The following PLCG1 variants were observed in gnomAD, a reference collection of about 807,000 sequenced individuals.
PLCG1 encodes the protein 1-phosphatidylinositol 4,5-bisphosphate phosphodiesterase gamma-1.
PLCG1 carries 71 observed loss-of-function variants against 177.8 expected under a neutral mutation model. That is an observed-to-expected ratio of 0.40 (90% confidence interval 0.33 to 0.49). The LOEUF (loss-of-function observed/expected upper bound fraction) is 0.49. Ranked by LOEUF, PLCG1 falls within the 20% of genes least tolerant of loss-of-function variation. The pLI is 0.72. For missense variants in PLCG1, 1,281 were observed against 1,709.0 expected, an observed-to-expected ratio of 0.75 and a Z score of 4.42; for synonymous variants, 658 against 647.9, an observed-to-expected ratio of 1.02 and a Z score of -0.24.
rs376592656 is a variant in PLCG1 at position 41,160,080 on chromosome 20, C to T, written c.465-26C>T. The T allele has an allele frequency of 1.2e-6, 2 of 1,613,330 alleles. No homozygotes were observed. The highest frequency in any genetic ancestry group is 1.7e-6 in the Non-Finnish European group (2 of 1,179,276). On this transcript the variant is annotated intron_variant, in intron 3 of 31. Coordinates refer to ENST00000685551, the MANE Select transcript of PLCG1 (RefSeq NM_002660.3). The surrounding 1 kb of genome is among the most constrained non-coding windows in gnomAD (Gnocchi z 5.5). ...GGCCTGACTGTAGATGGAGAAGTGG[C>T]CCTCACCTCAGGCTTCTCTCTCCAG...
chr20:41,148,600 G>A lies in PLCG1; in HGVS notation c.217+10742G>A, dbSNP rs146082968. 1.8e-4 allele frequency among the ~76,000 whole-genome samples: 27 copies of A among 152,264 alleles called. No homozygotes were observed. The highest frequency in any genetic ancestry group is 5.8e-4 in the African/African-American group (24 of 41,554). On this transcript the variant is annotated intron_variant, in intron 1 of 31. Coordinates refer to ENST00000685551, the MANE Select transcript of PLCG1 (RefSeq NM_002660.3). This position sits in a 1 kb window ranked among gnomAD's most constrained non-coding sequence, Gnocchi z 4.3. ...CTTTCATAGTATTTTTCTTGAATAA[G>A]GTCCCCAAAACCTTATTAAGTTCCT...
At position 41,156,820 on chromosome 20, in the gene PLCG1, C is replaced by G. The variant is rs1182553259; in HGVS notation, c.218-2786C>G. Among the ~76,000 whole-genome samples the G allele has an allele frequency of 6.6e-6, 1 of 152,234 alleles. No homozygotes were observed. The highest frequency in any genetic ancestry group is 2.4e-5 in the African/African-American group (1 of 41,448). ...AGACTGTGCCAGACTGGATCATTCGCTCTGTCACCTGCCACCAGGGCAGAG... is the reference window on the plus strand; with the variant it reads ...AGACTGTGCCAGACTGGATCATTCGGTCTGTCACCTGCCACCAGGGCAGAG... On this transcript the variant is annotated intron_variant, in intron 1 of 31. Transcript: ENST00000685551. This position sits in a 1 kb window ranked among gnomAD's most constrained non-coding sequence, Gnocchi z 5.0.
At position 41,166,959 on chromosome 20, in the gene PLCG1, G is replaced by A. The variant is rs1450961108; in HGVS notation, c.2301+100G>A. 8.5e-7 allele frequency: 1 copy of A among 1,177,202 alleles called. No individual in the cohort carries two copies. The highest frequency in any genetic ancestry group is 1.4e-5 in the South Asian group (1 of 73,166). The allele number at this position is 1,177,202 out of a possible 1,614,324, so 72.9% of individuals were successfully genotyped here. On this transcript the variant is annotated intron_variant, in intron 19 of 31. Coordinates refer to ENST00000685551, the MANE Select transcript of PLCG1 (RefSeq NM_002660.3). The surrounding 1 kb of genome is among the most constrained non-coding windows in gnomAD (Gnocchi z 8.6). ...GTGTAACAGCAAGACCTGGTGTGTT[G>A]TAGAAGTTCGTGGGAGGGCCCCTGA...
At position 41,175,740 on chromosome 20, in the gene PLCG1, T is replaced by C. The variant is rs2036048451; in HGVS notation, c.*1231T>C. ...CTTTTTCCTTTGACTTGTATGCTCTTTCGGGGGCTCAGGAAAGCCTGTTGC... is the reference window on the plus strand; with the variant it reads ...CTTTTTCCTTTGACTTGTATGCTCTCTCGGGGGCTCAGGAAAGCCTGTTGC... On this transcript the variant is annotated 3_prime_UTR_variant, in exon 32 of 32. Coordinates refer to ENST00000685551, the MANE Select transcript of PLCG1 (RefSeq NM_002660.3). 6.6e-6 allele frequency: 1 copy of C among 152,640 alleles called. No individual in the cohort carries two copies. The highest frequency in any genetic ancestry group is 6.5e-5 in the Admixed American group (1 of 15,280). 9.5% of individuals were successfully genotyped at this position (152,640 alleles called of 1,614,324 possible). A position where few individuals can be genotyped will look rare whatever the true frequency, so the allele number is the denominator to read the frequency against.
Position 41,165,143 on chromosome 20 carries a change from T to C in PLCG1, c.1386+42T>C. On this transcript the variant is annotated intron_variant, in intron 13 of 31. Transcript: ENST00000685551. The surrounding 1 kb of genome is among the most constrained non-coding windows in gnomAD (Gnocchi z 6.6). ...ATTGCGGAAGCCCCACACTTCTCAG[T>C]GCCTTGCCCAGGCCATGGCTTCAGC... is the stretch of plus-strand genomic sequence containing the variant. 6.2e-7 allele frequency: 1 copy of C among 1,604,266 alleles called. No individual in the cohort carries two copies. The highest frequency in any genetic ancestry group is 8.5e-7 in the Non-Finnish European group (1 of 1,173,886).
Position 41,170,265 on chromosome 20 carries a change from C to G in PLCG1, c.2804C>G (p.Ala935Gly), listed in dbSNP as rs747002949. 4 of 1,613,952 alleles carry G rather than the reference C, an allele frequency of 2.5e-6. No homozygotes were observed. Among genetic ancestry groups the G allele is most frequent in the Non-Finnish European group, 2.5e-6 (3 of 1,179,994 alleles). Residue 935 changes from alanine (A) to glycine (G), a missense_variant, in exon 24 of 32, where the codon GCC becomes GGC. Coordinates refer to ENST00000685551, the MANE Select transcript of PLCG1 (RefSeq NM_002660.3). ...CGTGAAGTGGCCCAGACAGCAGACGCCAGGGTGAGATTCTGCTGGAACCTT... is the reference window on the plus strand; with the variant it reads ...CGTGAAGTGGCCCAGACAGCAGACGGCAGGGTGAGATTCTGCTGGAACCTT... ...KIREVAQTAD[A>G]RLTEGKIMER...
In PLCG1 at chr20:41,159,880, GGAT is replaced by G; in HGVS notation, c.384_386del (p.Asp128del). ...ATACCTTGCTCACAGCCACATCTGAGGATGAAGTGAACATGTGGATCAAGGGCT... is the reference window on the plus strand; with the variant it reads ...ATACCTTGCTCACAGCCACATCTGAGGAAGTGAACATGTGGATCAAGGGCT... On this transcript the variant is annotated inframe_deletion, in exon 3 of 32. Coordinates refer to ENST00000685551, the MANE Select transcript of PLCG1 (RefSeq NM_002660.3). The surrounding 1 kb of genome is among the most constrained non-coding windows in gnomAD (Gnocchi z 6.0). 6.2e-7 allele frequency: 1 copy of G among 1,614,092 alleles called. No individual in the cohort carries two copies. Among genetic ancestry groups the G allele is most frequent in the Non-Finnish European group, 8.5e-7 (1 of 1,179,930 alleles).
chr20:41,172,363 T>G lies in PLCG1; in HGVS notation c.2906-58T>G. ...TGGGTGCAAAAAGAGTATTTAGGTA[T>G]CCCCCCAACACTTCCTGGGTGGGCG... On this transcript the variant is annotated intron_variant, in intron 25 of 31. Transcript: ENST00000685551. This position sits in a 1 kb window ranked among gnomAD's most constrained non-coding sequence, Gnocchi z 7.0. 1 of 1,575,756 alleles carries G rather than the reference T, an allele frequency of 6.3e-7. No individual in the cohort carries two copies. The highest frequency in any genetic ancestry group is 8.7e-7 in the Non-Finnish European group (1 of 1,145,178).
Position 41,166,519 on chromosome 20 carries a change from C to A in PLCG1, c.2044C>A (p.Leu682Ile). ...GACCAGAGCACAGGCTGAGCACATG[C>A]TAATGCGCGTCCCTCGTGATGGGGC... ...SLTRAQAEHM[L>I]MRVPRDGAFL... is the part of the protein sequence containing the mutation. The change falls in exon 18 of 32, where the codon CTA becomes ATA. Residue 682 changes from leucine to isoleucine, a missense_variant. This residue lies in a region of PLCG1 where 723 missense variants were observed against 1,030.0 expected (regional missense o/e 0.70). Transcript: ENST00000685551. The surrounding 1 kb of genome is among the most constrained non-coding windows in gnomAD (Gnocchi z 8.6). 1 of 1,614,136 alleles carries A rather than the reference C, an allele frequency of 6.2e-7. No homozygotes were observed. Among genetic ancestry groups the A allele is most frequent in the Non-Finnish European group, 8.5e-7 (1 of 1,180,038 alleles).
In PLCG1 at chr20:41,150,693, A is replaced by T. The variant is rs1486687801; in HGVS notation, c.218-8913A>T. 1.3e-5 allele frequency among the ~76,000 whole-genome samples: 2 copies of T among 152,090 alleles called. No homozygotes were observed. Among genetic ancestry groups the T allele is most frequent in the African/African-American group, 4.8e-5 (2 of 41,396 alleles). On this transcript the variant is annotated intron_variant, in intron 1 of 31. Transcript: ENST00000685551. This position sits in a 1 kb window ranked among gnomAD's most constrained non-coding sequence, Gnocchi z 4.0. ...TCCCTTCTCATCCATGATACTCTGA[A>T]TGCCCTGTTTGTGGAACTTAGTGGA...
Position 41,137,814 on chromosome 20 carries a change from G to A in PLCG1, c.173G>A (p.Arg58His), listed in dbSNP as rs2034647218. 2 of 1,300,400 alleles carry A rather than the reference G, an allele frequency of 1.5e-6. No homozygotes were observed. Among genetic ancestry groups the A allele is most frequent in the Non-Finnish European group, 2.0e-6 (2 of 1,016,794 alleles). The allele number at this position is 1,300,400 out of a possible 1,614,324, so 80.6% of individuals were successfully genotyped here. A position where few individuals can be genotyped will look rare whatever the true frequency, so the allele number is the denominator to read the frequency against. Residue 58 changes from arginine to histidine, a missense_variant, in exon 1 of 32, where the codon CGC (arginine) becomes CAC (histidine). This residue lies in a region of PLCG1 where 374 missense variants were observed against 443.8 expected (regional missense o/e 0.84). Coordinates refer to ENST00000685551, the MANE Select transcript of PLCG1 (RefSeq NM_002660.3). This position sits in a 1 kb window ranked among gnomAD's most constrained non-coding sequence, Gnocchi z 7.3. ...ACCTTCCAGGTCAAGCTGGAGACGCGCCAGATCACGTGGAGCCGGGGCGCC... is the reference window on the plus strand; with the variant it reads ...ACCTTCCAGGTCAAGCTGGAGACGCACCAGATCACGTGGAGCCGGGGCGCC... ...RKTFQVKLET[R>H]QITWSRGADK...
Position 41,159,166 on chromosome 20 carries a change from CCTA to C in PLCG1, c.218-437_218-435del, listed in dbSNP as rs2035414257. The stretch of plus-strand genomic sequence containing the variant: ...GATGCACCAGTCCTCTGGGCCAGAG[CCTA>C]CTTTCTCCCAGGGATCCTGAGGCCC... On this transcript the variant is annotated intron_variant, in intron 1 of 31. Transcript: ENST00000685551. This position sits in a 1 kb window ranked among gnomAD's most constrained non-coding sequence, Gnocchi z 6.0. Among the ~76,000 whole-genome samples, 2 of 152,168 alleles carry C rather than the reference CCTA, an allele frequency of 1.3e-5. No homozygotes were observed. The highest frequency in any genetic ancestry group is 2.9e-5 in the Non-Finnish European group (2 of 68,016).
chr20:41,153,727 C>T lies in PLCG1; in HGVS notation c.218-5879C>T, dbSNP rs1311213279. Among the ~76,000 whole-genome samples, 2 of 152,128 alleles carry T rather than the reference C, an allele frequency of 1.3e-5. No homozygotes were observed. The highest frequency in any genetic ancestry group is 1.3e-4 in the Admixed American group (2 of 15,278). The stretch of plus-strand genomic sequence containing the variant: ...GCTGGCCAACATGGTGAAACCCCGT[C>T]TCTACTAAAAATACAAAAATCAGCT... On this transcript the variant is annotated intron_variant, in intron 1 of 31. Transcript: ENST00000685551. This position sits in a 1 kb window ranked among gnomAD's most constrained non-coding sequence, Gnocchi z 5.1.
rs1296959142 is a variant in PLCG1, at chr20:41,157,294, C to T, written c.218-2312C>T. Among the ~76,000 whole-genome samples the T allele has an allele frequency of 6.6e-6, 1 of 151,062 alleles. No homozygotes were observed. The highest frequency in any genetic ancestry group is 1.5e-5 in the Non-Finnish European group (1 of 67,964). On this transcript the variant is annotated intron_variant, in intron 1 of 31. Transcript: ENST00000685551. This position sits in a 1 kb window ranked among gnomAD's most constrained non-coding sequence, Gnocchi z 5.4. ...TGTGGGAGGGGGATGACAGCAGCTC[C>T]ACACCGGAAGAGCAGACTGGTTTCT...
intron 1 of PLCG1, among the ~76,000 whole-genome samples, chr20:41,143,410 G>T (rs549505203): frequency 6.6e-6 from 1 of 152,284 alleles, no homozygotes; most frequent in East Asian, 1.9e-4. Flanking sequence ...CTTTCCACTT[G>T]CTTTGTTAGA....
intron 20 of PLCG1, among the ~76,000 whole-genome samples, chr20:41,168,452 T>G (rs2035777513): frequency 6.6e-6 from 1 of 152,218 alleles, no homozygotes. Flanking sequence ...CCCTGCCTTC[T>G]TGGCCTGCCA....
In PLCG1 at chr20:41,141,868, C is replaced by T. The variant is rs577903604; in HGVS notation, c.217+4010C>T. 3.9e-5 allele frequency among the ~76,000 whole-genome samples: 6 copies of T among 152,342 alleles called. No homozygotes were observed. In the South Asian group the frequency reaches 1.2e-3, roughly 32 times the overall value. ...GGGACCCACAACACCTCCAGCTTCTCTCCAGACTCTTGTGTGTGTGTGTAC... is the reference window on the plus strand; with the variant it reads ...GGGACCCACAACACCTCCAGCTTCTTTCCAGACTCTTGTGTGTGTGTGTAC... On this transcript the variant is annotated intron_variant, in intron 1 of 31. Transcript: ENST00000685551.
Position 41,163,057 on chromosome 20 carries a change from C to T in PLCG1, c.716+65C>T. 1 of 1,559,888 alleles carries T rather than the reference C, an allele frequency of 6.4e-7. No homozygotes were observed. Among genetic ancestry groups the T allele is most frequent in the Non-Finnish European group, 8.8e-7 (1 of 1,130,682 alleles). ...CCCTTCATCTCTCCACTGGGCGATT[C>T]TTGATCCAGGTGGGAGGCAGTGGGA... On this transcript the variant is annotated intron_variant, in intron 7 of 31. Coordinates refer to ENST00000685551, the MANE Select transcript of PLCG1 (RefSeq NM_002660.3). This position sits in a 1 kb window ranked among gnomAD's most constrained non-coding sequence, Gnocchi z 5.2.
chr20:41,170,343 A>ACCTG (rs759610042), intron 24 of PLCG1, 74 bp downstream of exon 24: 4 of 1,545,060 alleles, frequency 2.6e-6, no homozygotes. Context: ...AGCTCCCAGC[A>ACCTG]CAGGCCCCCT....
Sources: gnomAD v4.1 joint callset for allele counts (sites outside exome capture counted in the v4.1 genomes callset) on GRCh38, gnomAD v4.1.1 for gene constraint, gnomAD v4.1.1 regional missense constraint, Gnocchi (gnomAD v3.1) non-coding constraint, MANE v1.5 for transcripts, NCBI Gene and HGNC (gene_info 2026-07-23, HGNC 2026-07-21) for gene names.